CEP55: variants seen among roughly 807,000 people sequenced by gnomAD.
CEP55 encodes centrosomal protein 55.
A neutral mutation model predicts 63.2 loss-of-function variants in CEP55; 57 were observed. The observed-to-expected ratio is 0.90, with a 90% CI of 0.73 to 1.13. The LOEUF (loss-of-function observed/expected upper bound fraction) is 1.13, where lower values mean the gene tolerates loss of function less well. CEP55 is among the 50% of genes most tolerant of loss of function. CEP55 has a pLI of 0.00. For missense variants in CEP55, 456 were observed against 518.9 expected (o/e 0.88, Z 1.18); for synonymous variants, 178 against 191.6 (o/e 0.93, Z 0.59).
intron 1 of CEP55, among the ~76,000 whole-genome samples, chr10:93,497,656 T>C (rs184020464): frequency 2.6e-4 from 38 of 146,650 alleles, no homozygotes; most frequent in African/African-American, 9.2e-4. Flanking sequence ...CTTGAAAAAA[T>C]AGTTGAACAA....
intron 8 of CEP55, among the ~76,000 whole-genome samples, chr10:93,525,653 A>G (rs972529962): frequency 1.3e-4 from 20 of 151,968 alleles, no homozygotes; most frequent in African/African-American, 4.8e-4. Context: ...AAAAGAACAA[A>G]GCTGGAGGCA....
intron 8 of CEP55, among the ~76,000 whole-genome samples, chr10:93,527,653 C>G (rs2057937641): frequency 6.6e-6 from 1 of 152,002 alleles, no homozygotes; most frequent in Non-Finnish European, 1.5e-5. Flanking sequence ...ATCACTTGAG[C>G]TTAGGAGTTT....
At chr10:93,507,965 T>C (rs1379857826) in intron 4 of CEP55, among the ~76,000 whole-genome samples, 2 of 152,230 alleles carry the variant, frequency 1.3e-5, no homozygotes, top group African/African-American at 4.8e-5. Flanking sequence ...ATTCTTATAA[T>C]GTAATTTAAT....
At position 93,528,945 on chromosome 10, in the gene CEP55, G is replaced by A. The variant is rs1164506703; in HGVS notation, c.*792G>A. 2 of 152,198 alleles carry A rather than the reference G, an allele frequency of 1.3e-5. No homozygotes were observed. Among genetic ancestry groups the A allele is most frequent in the Non-Finnish European group, 2.9e-5 (2 of 68,030 alleles). The allele number at this position is 152,198 out of a possible 1,614,324, so 9.4% of individuals were successfully genotyped here. A position where few individuals can be genotyped will look rare whatever the true frequency, so the allele number is the denominator to read the frequency against. ...TTTGGCATTCTTAAAGCTGGGCAAT[G>A]TAATGATCAGATCTTTGTTTGTCTG... On this transcript the variant is annotated 3_prime_UTR_variant, in exon 9 of 9. Transcript: ENST00000371485.
chr10:93,516,529 T>C (rs149712915), intron 5 of CEP55, among the ~76,000 whole-genome samples: 32 of 152,306 alleles, frequency 2.1e-4, no homozygotes, highest in African/African-American at 7.0e-4. Context: ...TAGAATAATG[T>C]AATAGTTAAG....
chr10:93,522,809 C>T (rs963418258), intron 8 of CEP55, among the ~76,000 whole-genome samples: 4 of 152,190 alleles, frequency 2.6e-5, no homozygotes, highest in African/African-American at 9.7e-5. Context: ...AAAGAATTTT[C>T]AACCCAGAAT....
At chr10:93,522,132 C>T (rs1377381771) in intron 8 of CEP55, among the ~76,000 whole-genome samples, 1 of 152,204 alleles carries the variant, frequency 6.6e-6, no homozygotes, top group African/African-American at 2.4e-5. Context: ...GATGATCAAA[C>T]TTCTCTGAGC....
intron 8 of CEP55, among the ~76,000 whole-genome samples, chr10:93,521,613 G>A (rs576540628): frequency 1.2e-4 from 19 of 152,286 alleles, no homozygotes; most frequent in Non-Finnish European, 2.2e-4. Flanking sequence ...CTCCCAGCAC[G>A]CAGCTTGAGA....
chr10:93,518,214 A>C (rs139825762), intron 6 of CEP55, among the ~76,000 whole-genome samples: 1 of 151,562 alleles, frequency 6.6e-6, no homozygotes, highest in African/African-American at 2.4e-5. Flanking sequence ...CAATGGCGTA[A>C]TCTCAGCTCA....
At chr10:93,497,990 C>G (rs1215376185) in intron 1 of CEP55, among the ~76,000 whole-genome samples, 1 of 151,926 alleles carries the variant, frequency 6.6e-6, no homozygotes, top group Non-Finnish European at 1.5e-5. Flanking sequence ...GGCGTGGTGA[C>G]GCGCACCTGT....
intron 2 of CEP55, 73 bp from the exon 3 acceptor site, chr10:93,503,040 T>C (rs2057649780): frequency 7.5e-7 from 1 of 1,328,142 alleles, no homozygotes. Context: ...CATAAATGCT[T>C]GTTGAAGTAT....
chr10:93,523,888 C>T (rs1269879993), intron 8 of CEP55, among the ~76,000 whole-genome samples: 2 of 152,098 alleles, frequency 1.3e-5, no homozygotes, highest in African/African-American at 4.8e-5. Flanking sequence ...TCTTTGAAAC[C>T]AATGAGAACA....
At chr10:93,501,437 C>G (rs906062993) in intron 2 of CEP55, among the ~76,000 whole-genome samples, 10 of 151,944 alleles carry the variant, frequency 6.6e-5, no homozygotes, top group Non-Finnish European at 1.3e-4. Flanking sequence ...GCCTATAATC[C>G]CAGCACTTTG....
Position 93,518,863 on chromosome 10 carries a change from T to C in CEP55, c.994-14T>C. The C allele has an allele frequency of 1.3e-6, 2 of 1,585,518 alleles. No individual in the cohort carries two copies. Among genetic ancestry groups the C allele is most frequent in the East Asian group, 2.3e-5 (1 of 44,402 alleles). ...GTTGGATGTGACAGCATTGGTTCTCTTTATGTCCTACAGGTCCAGTTTCTT... is the reference window on the plus strand; with the variant it reads ...GTTGGATGTGACAGCATTGGTTCTCCTTATGTCCTACAGGTCCAGTTTCTT... On this transcript the variant is annotated splice_polypyrimidine_tract_variant and intron_variant, in intron 6 of 8. Coordinates refer to ENST00000371485, the MANE Select transcript of CEP55 (RefSeq NM_018131.5).
chr10:93,497,712 T>C (rs1274266118), intron 1 of CEP55, among the ~76,000 whole-genome samples: 1 of 129,680 alleles, frequency 7.7e-6, no homozygotes, highest in African/African-American at 3.0e-5. Context: ...GGTACTAGAT[T>C]GTGTAGGGGT....
chr10:93,528,277 C>A lies in CEP55; in HGVS notation c.*124C>A. 1.4e-6 allele frequency: 1 copy of A among 737,582 alleles called. No individual in the cohort carries two copies. The allele number at this position is 737,582 out of a possible 1,614,324, so 45.7% of individuals were successfully genotyped here. A position where few individuals can be genotyped will look rare whatever the true frequency, so the allele number is the denominator to read the frequency against. ...TGCCTATCTACCTTTGACACTCCAG[C>A]ATGCTAGTGAATCATGTATCTTTTA... On this transcript the variant is annotated 3_prime_UTR_variant, in exon 9 of 9. Coordinates refer to ENST00000371485, the MANE Select transcript of CEP55 (RefSeq NM_018131.5).
Position 93,518,885 on chromosome 10 carries a change from T to G in CEP55, c.1002T>G (p.Phe334Leu), listed in dbSNP as rs1423315511. The change falls in exon 7 of 9, where the codon TTT (phenylalanine) becomes TTG (leucine). Residue 334 changes from phenylalanine (F) to leucine (L), a missense_variant. Physicochemically the swap from Phe to Leu is conservative, Grantham distance 22. Coordinates refer to ENST00000371485, the MANE Select transcript of CEP55 (RefSeq NM_018131.5). Reference sequence around the variant, plus strand: ...CTCTTTATGTCCTACAGGTCCAGTTTCTTTACACATCTCTGCTAAAGCAGC... The same window carrying G: ...CTCTTTATGTCCTACAGGTCCAGTTGCTTTACACATCTCTGCTAAAGCAGC... ...RSEELLSQVQ[F>L]LYTSLLKQQE... 6.2e-7 allele frequency: 1 copy of G among 1,608,570 alleles called. No homozygotes were observed. Among genetic ancestry groups the G allele is most frequent in the East Asian group, 2.2e-5 (1 of 44,732 alleles).
chr10:93,497,564 C>T (rs2057585451), intron 1 of CEP55, among the ~76,000 whole-genome samples: 1 of 152,116 alleles, frequency 6.6e-6, no homozygotes, highest in Non-Finnish European at 1.5e-5. Context: ...CCGCGCCCGG[C>T]CCCAATCAAC....
chr10:93,516,964 TA>T lies in CEP55; in HGVS notation c.710del (p.Tyr237SerfsTer19). On this transcript the variant is annotated frameshift_variant, in exon 6 of 9. Transcript: ENST00000371485. LOFTEE classifies it high-confidence loss of function. ...GYLQEEKQKC[Y>X]NDLLASAKKD... ...TCTTCAAGAAGAGAAGCAGAAATGTTACAACGATCTCTTGGCAAGTGCAAAA... is the reference window on the plus strand; with the variant it reads ...TCTTCAAGAAGAGAAGCAGAAATGTTCAACGATCTCTTGGCAAGTGCAAAA... 1 of 1,592,496 alleles carries T rather than the reference TA, an allele frequency of 6.3e-7. No individual in the cohort carries two copies. Among genetic ancestry groups the T allele is most frequent in the Non-Finnish European group, 8.6e-7 (1 of 1,166,052 alleles).
Sources: gnomAD v4.1 joint callset for allele counts (sites outside exome capture counted in the v4.1 genomes callset) on GRCh38, gnomAD v4.1.1 for gene constraint, MANE v1.5 for transcripts, NCBI Gene and HGNC (gene_info 2026-07-23, HGNC 2026-07-21) for gene names.